Variants in GIT1 observed in about 807,000 individuals in gnomAD.
GIT1 encodes ARF GTPase-activating protein GIT1.
Under a neutral mutation model 91.7 loss-of-function variants are expected in GIT1, and 14 were observed. The ratio of observed to expected loss-of-function variants is 0.15; its 90% CI spans 0.10 to 0.24. GIT1 has a LOEUF of 0.24. Among genes scored for constraint, GIT1 ranks in the 10% least tolerant of loss-of-function variants. The pLI is 1.00. For synonymous variants in GIT1, 414 were observed against 418.2 expected (o/e 0.99, Z 0.12); for missense variants, 717 against 1,024.9 (o/e 0.70, Z 4.10).
chr17:29,579,100 C>G (rs1360149292), intron 7 of GIT1: 2 of 904,972 alleles, frequency 2.2e-6, no homozygotes, highest in East Asian at 2.4e-5. Context: ...TCCACGCACA[C>G]CCGGCCCAGA....
In GIT1 at chr17:29,583,628, AG is replaced by A; in HGVS notation, c.53-13del. On this transcript the variant is annotated splice_polypyrimidine_tract_variant and intron_variant, in intron 1 of 19. Coordinates refer to ENST00000225394, the MANE Select transcript of GIT1 (RefSeq NM_014030.4). ...TGCCCAGCCAGGGTCTGCCAGGGTG[AG>A]GGCAAGGGTCAGCCGGAGCCAGATG... is the stretch of plus-strand genomic sequence containing the variant. 1 of 1,574,858 alleles carries A rather than the reference AG, an allele frequency of 6.3e-7. No individual in the cohort carries two copies. The highest frequency in any genetic ancestry group is 8.6e-7 in the Non-Finnish European group (1 of 1,162,324).
intron 8 of GIT1, among the ~76,000 whole-genome samples, 176 bp from the exon 9 acceptor site, chr17:29,578,547 G>C (rs2033292646): frequency 6.6e-6 from 1 of 152,236 alleles, no homozygotes; most frequent in Non-Finnish European, 1.5e-5. Context: ...CAAGGTGGGA[G>C]AGAAGGGACC....
At chr17:29,580,247 G>A (rs2033351197) in intron 7 of GIT1, among the ~76,000 whole-genome samples, 1 of 152,230 alleles carries the variant, frequency 6.6e-6, no homozygotes. Context: ...GTTGAATGGA[G>A]CCCATATTTG....
intron 1 of GIT1, among the ~76,000 whole-genome samples, chr17:29,584,605 G>A (rs1234709669): frequency 6.6e-6 from 1 of 152,228 alleles, no homozygotes; most frequent in African/African-American, 2.4e-5. Context: ...TGAGAGTGGG[G>A]GCAGGGCGCC....
chr17:29,582,617 G>C, intron 4 of GIT1, 81 bp downstream of exon 4: 1 of 967,948 alleles, frequency 1.0e-6, no homozygotes. Context: ...GGGCTCAGTG[G>C]GGACAAAGGA....
Position 29,573,563 on chromosome 17 carries a change from G to A in GIT1, c.*1139C>T, listed in dbSNP as rs1408028872. The A allele has an allele frequency of 6.6e-6, 1 of 152,574 alleles. No homozygotes were observed. The highest frequency in any genetic ancestry group is 1.5e-5 in the Non-Finnish European group (1 of 68,110). 9.5% of individuals were successfully genotyped at this position (152,574 alleles called of 1,614,324 possible). ...CCACACAGGTAGGGCCTGGCCCCCA[G>A]GGAAGAAGCGGGATGGGGAGAGAGC... On this transcript the variant is annotated 3_prime_UTR_variant, in exon 20 of 20. Coordinates refer to ENST00000225394, the MANE Select transcript of GIT1 (RefSeq NM_014030.4).
chr17:29,582,225 C>T (rs1170958096), intron 4 of GIT1, 81 bp from the exon 5 acceptor site: 1 of 1,068,664 alleles, frequency 9.4e-7, no homozygotes, highest in African/African-American at 1.6e-5. Flanking sequence ...CTGGCTGCCC[C>T]TGGGACACCT....
At chr17:29,578,448 G>C in intron 8 of GIT1, 77 bp from the exon 9 acceptor site, 1 of 1,345,390 alleles carries the variant, frequency 7.4e-7, no homozygotes, top group African/African-American at 1.4e-5. Context: ...AGCATGTTGT[G>C]AGCCTTGGGG....
rs778573748 is a variant in GIT1 at position 29,583,507 on chromosome 17, G to A, written c.162C>T (p.Ser54=). 4.1e-5 allele frequency: 66 copies of A among 1,612,408 alleles called. No homozygotes were observed. The highest frequency in any genetic ancestry group is 1.5e-4 in the African/African-American group (11 of 75,014). ...CCTGCAGCAGCGTGGGAGGCCAGGCGCTGTGGCGAAGGTGCTTGACAATGG... is the reference window on the plus strand; with the variant it reads ...CCTGCAGCAGCGTGGGAGGCCAGGCACTGTGGCGAAGGTGCTTGACAATGG... ...HISIVKHLRH[S]AWPPTLLQMV... Residue 54 remains serine, a synonymous_variant, in exon 2 of 20, where the codon AGC becomes AGT. Coordinates refer to ENST00000225394, the MANE Select transcript of GIT1 (RefSeq NM_014030.4).
intron 1 of GIT1, among the ~76,000 whole-genome samples, chr17:29,584,730 T>C (rs1203842300): frequency 6.6e-6 from 1 of 152,138 alleles, no homozygotes; most frequent in Admixed American, 6.5e-5. Flanking sequence ...GCTCAGGGTG[T>C]TCAGAAGTAT....
rs2033151398 is a variant in GIT1, at chr17:29,575,298, T to G, written c.1999A>C (p.Lys667Gln). Residue 667 changes from lysine to glutamine, a missense_variant, in exon 18 of 20, where the codon AAG becomes CAG. Lys to Gln is a moderately conservative substitution (Grantham distance 53). Coordinates refer to ENST00000225394, the MANE Select transcript of GIT1 (RefSeq NM_014030.4). This position sits in a 1 kb window ranked among gnomAD's most constrained non-coding sequence, Gnocchi z 5.5. ...CCCTCCACTCAGTACCTGTCATGCTTGAACTCCTGGGCTGCCCGCAACAGT... is the reference window on the plus strand; with the variant it reads ...CCCTCCACTCAGTACCTGTCATGCTGGAACTCCTGGGCTGCCCGCAACAGT... ...QELLRAAQEF[K>Q]HDSFVPCSEK... 1 of 1,611,838 alleles carries G rather than the reference T, an allele frequency of 6.2e-7. No individual in the cohort carries two copies. The highest frequency in any genetic ancestry group is 2.2e-5 in the East Asian group (1 of 44,846).
Position 29,575,269 on chromosome 17 carries a change from C to A in GIT1, c.2009+19G>T. 1 of 1,599,952 alleles carries A rather than the reference C, an allele frequency of 6.3e-7. No homozygotes were observed. The highest frequency in any genetic ancestry group is 8.5e-7 in the Non-Finnish European group (1 of 1,171,412). ...CCAACAGGAACTGCATCCCCCTCACCTCCCCCTCCACTCAGTACCTGTCAT... is the reference window on the plus strand; with the variant it reads ...CCAACAGGAACTGCATCCCCCTCACATCCCCCTCCACTCAGTACCTGTCAT... On this transcript the variant is annotated intron_variant, in intron 18 of 19. Transcript: ENST00000225394. The surrounding 1 kb of genome is among the most constrained non-coding windows in gnomAD (Gnocchi z 5.5).
intron 1 of GIT1, among the ~76,000 whole-genome samples, chr17:29,584,935 G>C (rs3826461): frequency 0.33 from 50,071 of 149,754 alleles, 9,905 homozygotes; most frequent in East Asian, 0.54. Context: ...AAGTAAAGGA[G>C]AGAGGCCTGT....
rs2033156497 is a variant in GIT1, at chr17:29,575,422, G to A, written c.1875C>T (p.His625=). ...FLELGKEEDF[H]PELESLDGDL... ...CTCCATCCAGGCTTTCCAGCTCTGG[G>A]TGGAAGTCTTCCTCTTTGCCCAGCT... Residue 625 remains histidine, a synonymous_variant, in exon 18 of 20, where the codon CAC becomes CAT. Transcript: ENST00000225394. The surrounding 1 kb of genome is among the most constrained non-coding windows in gnomAD (Gnocchi z 5.5). 1.9e-6 allele frequency: 3 copies of A among 1,613,022 alleles called. No individual in the cohort carries two copies. The highest frequency in any genetic ancestry group is 1.3e-5 in the African/African-American group (1 of 74,984).
chr17:29,581,223 C>T lies in GIT1; in HGVS notation c.761+115G>A. 1 of 782,028 alleles carries T rather than the reference C, an allele frequency of 1.3e-6. No homozygotes were observed. The highest frequency in any genetic ancestry group is 1.4e-5 in the South Asian group (1 of 71,136). The allele number at this position is 782,028 out of a possible 1,614,324, so 48.4% of individuals were successfully genotyped here. A position where few individuals can be genotyped will look rare whatever the true frequency, so the allele number is the denominator to read the frequency against. ...GAGGACTAAGCTGTGCCTCTAGTCT[C>T]TGGGGGGAGGGAGCAGGGTCCTAGG... On this transcript the variant is annotated intron_variant, in intron 7 of 19. Coordinates refer to ENST00000225394, the MANE Select transcript of GIT1 (RefSeq NM_014030.4). This position sits in a 1 kb window ranked among gnomAD's most constrained non-coding sequence, Gnocchi z 4.8.
In GIT1 at chr17:29,589,306, C is replaced by A; in HGVS notation, c.52+21G>T. The A allele has an allele frequency of 9.8e-7, 1 of 1,016,758 alleles. No individual in the cohort carries two copies. The highest frequency in any genetic ancestry group is 1.2e-6 in the Non-Finnish European group (1 of 849,634). 63.0% of individuals were successfully genotyped at this position (1,016,758 alleles called of 1,614,324 possible). Reference sequence around the variant, plus strand: ...CGGCGGCCTGGCTGTGCGGTCCCGCCCCCGGCCCCGCCGCGCTTACCCGGG... The same window carrying A: ...CGGCGGCCTGGCTGTGCGGTCCCGCACCCGGCCCCGCCGCGCTTACCCGGG... On this transcript the variant is annotated intron_variant, in intron 1 of 19. Transcript: ENST00000225394. The surrounding 1 kb of genome is among the most constrained non-coding windows in gnomAD (Gnocchi z 5.2).
intron 1 of GIT1, among the ~76,000 whole-genome samples, chr17:29,586,283 C>G (rs182084756): frequency 8.3e-4 from 126 of 152,310 alleles, no homozygotes; most frequent in South Asian, 1.5e-3. Context: ...TTTCTTAAAA[C>G]ATTATGAGAC....
chr17:29,578,464 G>T (rs970748870), intron 8 of GIT1, 93 bp from the exon 9 acceptor site: 4 of 1,213,484 alleles, frequency 3.3e-6, no homozygotes, highest in Non-Finnish European at 4.9e-6. Flanking sequence ...TGGGGAACCG[G>T]TGGCCTTCCT....
At chr17:29,586,884 G>A (rs938079764) in intron 1 of GIT1, among the ~76,000 whole-genome samples, 8 of 152,174 alleles carry the variant, frequency 5.3e-5, no homozygotes, top group African/African-American at 1.2e-4. Context: ...GGTGCCTGAC[G>A]AGGTGGCACA....
Sources: allele counts gnomAD v4.1 joint callset (sites outside exome capture counted in the v4.1 genomes callset), GRCh38; gene constraint gnomAD v4.1.1; non-coding constraint Gnocchi (gnomAD v3.1); transcripts MANE v1.5; gene names NCBI Gene and HGNC (gene_info 2026-07-23, HGNC 2026-07-21).